POF1B: variants seen among roughly 807,000 people sequenced by gnomAD.
The protein encoded by POF1B is POF1B actin binding protein, also known as protein POF1B.
Under a neutral mutation model 55.3 loss-of-function variants are expected in POF1B, and 53 were observed. That is an observed-to-expected ratio of 0.96 (90% CI 0.77 to 1.20). POF1B has a LOEUF of 1.20. POF1B is among the 50% of genes most tolerant of loss of function. The pLI is 0.00. For missense variants in POF1B, 478 were observed against 420.5 expected (o/e 1.14, Z -1.20); for synonymous variants, 188 against 148.3 (o/e 1.27, Z -1.95).
chrX:85,308,743 T>A (rs2147907289), intron 9 of POF1B, among the ~76,000 whole-genome samples: 1 of 111,696 alleles, frequency 9.0e-6, no homozygotes, highest in South Asian at 3.8e-4. Flanking sequence ...AGTGGCATGA[T>A]CTCAGTTCAC....
intron 5 of POF1B, among the ~76,000 whole-genome samples, chrX:85,346,683 G>A (rs1933279146): frequency 9.1e-6 from 1 of 110,475 alleles, no homozygotes; most frequent in Non-Finnish European, 1.9e-5. Context: ...TAAAAGTGAA[G>A]ATGGTACATA....
At chrX:85,280,764 C>A (rs1456071107) in intron 16 of POF1B, among the ~76,000 whole-genome samples, 1 of 111,309 alleles carries the variant, frequency 9.0e-6, no homozygotes, top group Non-Finnish European at 1.9e-5. Flanking sequence ...GGATATCACA[C>A]ATTCCTATGA....
intron 6 of POF1B, 71 bp downstream of exon 6, chrX:85,345,789 C>T: frequency 1.1e-6 from 1 of 939,869 alleles, no homozygotes; most frequent in Non-Finnish European, 1.4e-6. Context: ...ATGGGAGCAC[C>T]TGCATAGTGG....
intron 5 of POF1B, among the ~76,000 whole-genome samples, chrX:85,348,701 A>C (rs193253335): frequency 9.0e-6 from 1 of 111,557 alleles, no homozygotes; most frequent in Admixed American, 9.6e-5. Context: ...TTAAGTAATT[A>C]ATAAGATAAA....
intron 7 of POF1B, among the ~76,000 whole-genome samples, chrX:85,319,432 T>C (rs894082302): frequency 1.8e-5 from 2 of 111,045 alleles, no homozygotes; most frequent in African/African-American, 6.5e-5. Context: ...AGAGAGAGCA[T>C]TCTTATCTTG....
At chrX:85,379,038 G>T (rs1333859893) in intron 2 of POF1B, 135 bp downstream of exon 2, 10 of 696,720 alleles carry the variant, frequency 1.4e-5, no homozygotes, top group Non-Finnish European at 2.1e-5. Flanking sequence ...GAATTTGGGT[G>T]ACTATCCAAG....
intron 7 of POF1B, among the ~76,000 whole-genome samples, chrX:85,321,485 C>T (rs1932837063): frequency 9.2e-6 from 1 of 109,250 alleles, no homozygotes; most frequent in South Asian, 3.9e-4. Flanking sequence ...CAGCCAATAT[C>T]ATACTGAATG....
chrX:85,315,055 G>A (rs1932774258), intron 8 of POF1B, among the ~76,000 whole-genome samples: 1 of 111,480 alleles, frequency 9.0e-6, no homozygotes, highest in African/African-American at 3.2e-5. Flanking sequence ...CTGAAGTGAA[G>A]TATTTCTTAA....
chrX:85,372,772 A>G (rs1461697962), intron 2 of POF1B, among the ~76,000 whole-genome samples: 2 of 101,501 alleles, frequency 2.0e-5, no homozygotes, highest in African/African-American at 3.6e-5. Flanking sequence ...TATTATATAT[A>G]CTATATATAT....
chrX:85,361,976 G>C (rs1048281697), intron 3 of POF1B, among the ~76,000 whole-genome samples: 1 of 109,183 alleles, frequency 9.2e-6, no homozygotes, highest in African/African-American at 3.3e-5. Flanking sequence ...GTGTGTGTGT[G>C]TGTGTGTGTG....
chrX:85,317,003 G>T (rs1472880351), intron 7 of POF1B, among the ~76,000 whole-genome samples: 2 of 110,370 alleles, frequency 1.8e-5, no homozygotes, highest in African/African-American at 6.6e-5. Context: ...ACATTAGTTT[G>T]CTAAGAATAA....
chrX:85,331,728 TC>T (rs1377197595), intron 6 of POF1B, among the ~76,000 whole-genome samples: 3 of 111,288 alleles, frequency 2.7e-5, no homozygotes, highest in Non-Finnish European at 5.7e-5. Context: ...ACCAATCTCT[TC>T]CTATATTTTC....
intron 2 of POF1B, among the ~76,000 whole-genome samples, chrX:85,377,569 C>T (rs1214555768): frequency 8.9e-6 from 1 of 111,833 alleles, no homozygotes; most frequent in Non-Finnish European, 1.9e-5. Flanking sequence ...CTTCACAGAG[C>T]CCTCCATTCT....
At chrX:85,319,654 A>G (rs1932817636) in intron 7 of POF1B, among the ~76,000 whole-genome samples, 1 of 111,590 alleles carries the variant, frequency 9.0e-6, no homozygotes, top group African/African-American at 3.3e-5. Context: ...AGTTCTGTAC[A>G]TATGGTAAGT....
chrX:85,377,109 T>C (rs909807836), intron 2 of POF1B, among the ~76,000 whole-genome samples: 1 of 111,972 alleles, frequency 8.9e-6, no homozygotes, highest in Admixed American at 9.5e-5. Context: ...GGATAGACTT[T>C]ATTGAAACAT....
At chrX:85,322,380 T>C (rs1722533115) in intron 7 of POF1B, among the ~76,000 whole-genome samples, 1 of 111,179 alleles carries the variant, frequency 9.0e-6, no homozygotes, top group Admixed American at 9.5e-5. Context: ...CTGGGAAAAC[T>C]GGCTAGTCAT....
At chrX:85,301,061 G>A (rs1351218901) in intron 15 of POF1B, among the ~76,000 whole-genome samples, 1 of 111,781 alleles carries the variant, frequency 8.9e-6, no homozygotes, top group Non-Finnish European at 1.9e-5. Flanking sequence ...GACTCCACAA[G>A]GAGAGGGAGG....
intron 15 of POF1B, among the ~76,000 whole-genome samples, chrX:85,289,393 G>A (rs1427822025): frequency 1.8e-5 from 2 of 111,985 alleles, no homozygotes; most frequent in African/African-American, 3.2e-5. Context: ...CTGGACAACC[G>A]TGTGCATGCC....
At chrX:85,316,556 A>C (rs192465283) in intron 7 of POF1B, among the ~76,000 whole-genome samples, 1 of 111,129 alleles carries the variant, frequency 9.0e-6, no homozygotes, top group Non-Finnish European at 1.9e-5. Context: ...CACTTGATGG[A>C]AGAATTAGGC....
Sources: gnomAD v4.1 joint callset for allele counts (sites outside exome capture counted in the v4.1 genomes callset) on GRCh38, gnomAD v4.1.1 for gene constraint, MANE v1.5 for transcripts, NCBI Gene and HGNC (gene_info 2026-07-23, HGNC 2026-07-21) for gene names.